Variants in NWD2 observed in about 807,000 individuals in gnomAD.
The protein encoded by NWD2 is NACHT and WD repeat domain-containing protein 2.
NWD2 carries 37 observed loss-of-function variants against 132.7 expected under a neutral mutation model. The ratio of observed to expected loss-of-function variants is 0.28; its 90% CI spans 0.21 to 0.37. The LOEUF is 0.37. Ranked by LOEUF, NWD2 falls within the 10% of genes least tolerant of loss-of-function variation. NWD2 has a pLI of 1.00. For synonymous variants in NWD2, 705 were observed against 803.0 expected, an observed-to-expected ratio of 0.88 and a Z score of 2.06; for missense variants, 1,592 against 2,122.4, an observed-to-expected ratio of 0.75 and a Z score of 4.91.
At chr4:37,271,001 C>A (rs1024806436) in intron 1 of NWD2, among the ~76,000 whole-genome samples, 10 of 151,818 alleles carry the variant, frequency 6.6e-5, no homozygotes, top group Admixed American at 6.6e-4. Context: ...AAAAGACTTT[C>A]TTTTCCCCCA....
At chr4:37,426,413 G>A (rs145135324) in intron 3 of NWD2, among the ~76,000 whole-genome samples, 2 of 152,108 alleles carry the variant, frequency 1.3e-5, no homozygotes, top group Non-Finnish European at 2.9e-5. Flanking sequence ...TATATAGTAG[G>A]CACTCAATAT....
intron 1 of NWD2, among the ~76,000 whole-genome samples, chr4:37,323,578 A>T (rs112778721): frequency 7.1e-4 from 108 of 152,310 alleles, no homozygotes; most frequent in African/African-American, 2.4e-3. Context: ...GGGAATGCTT[A>T]TACACTGTCG....
intron 1 of NWD2, among the ~76,000 whole-genome samples, chr4:37,265,262 A>G (rs1299017854): frequency 6.6e-6 from 1 of 152,170 alleles, no homozygotes; most frequent in Non-Finnish European, 1.5e-5. Context: ...AATGGATCTA[A>G]CTGCACAGTC....
intron 3 of NWD2, among the ~76,000 whole-genome samples, chr4:37,385,962 GAAAT>G (rs1286207618): frequency 9.2e-5 from 14 of 152,128 alleles, no homozygotes; most frequent in Admixed American, 6.5e-4. Flanking sequence ...GTACTATAAA[GAAAT>G]ACTTAATTTG....
intron 1 of NWD2, among the ~76,000 whole-genome samples, chr4:37,285,837 G>A (rs1255494643): frequency 2.0e-5 from 3 of 152,030 alleles, no homozygotes; most frequent in Non-Finnish European, 2.9e-5. Flanking sequence ...CATTAAATAG[G>A]GAGTATCACT....
intron 1 of NWD2, among the ~76,000 whole-genome samples, chr4:37,246,811 CT>C (rs1717253454): frequency 6.6e-6 from 1 of 152,116 alleles, no homozygotes; most frequent in African/African-American, 2.4e-5. Flanking sequence ...TTTCTTTAAA[CT>C]TGTGGCTTCT....
In NWD2 at chr4:37,443,221, A is replaced by G. The variant is rs1185167367; in HGVS notation, c.1297-64A>G. On this transcript the variant is annotated intron_variant, in intron 6 of 6. Transcript: ENST00000309447. This position sits in a 1 kb window ranked among gnomAD's most constrained non-coding sequence, Gnocchi z 4.1. ...AGAAATCTGAGCTCTGGAGAGAGGC[A>G]ATGTTATCACATATGACCATGTGAA... 2.2e-6 allele frequency: 3 copies of G among 1,341,968 alleles called. No individual in the cohort carries two copies. Among genetic ancestry groups the G allele is most frequent in the Non-Finnish European group, 3.0e-6 (3 of 984,574 alleles). The allele number at this position is 1,341,968 out of a possible 1,614,324, so 83.1% of individuals were successfully genotyped here.
chr4:37,358,670 CA>C (rs1391981386), intron 3 of NWD2, among the ~76,000 whole-genome samples: 2 of 152,108 alleles, frequency 1.3e-5, no homozygotes, highest in Non-Finnish European at 2.9e-5. Context: ...GTGATAATAA[CA>C]GTTATCTACC....
chr4:37,375,395 CTA>C (rs527725258), intron 3 of NWD2, among the ~76,000 whole-genome samples: 24 of 152,078 alleles, frequency 1.6e-4, no homozygotes, highest in African/African-American at 5.1e-4. Flanking sequence ...AAGTGCTTAT[CTA>C]TATGTTTTTA....
Position 37,445,534 on chromosome 4 carries a change from C to T in NWD2, c.3546C>T (p.Asp1182=). 2 of 1,552,058 alleles carry T rather than the reference C, an allele frequency of 1.3e-6. No individual in the cohort carries two copies. The highest frequency in any genetic ancestry group is 1.7e-6 in the Non-Finnish European group (2 of 1,147,084). The change falls in exon 7 of 7, where the codon GAC becomes GAT. Residue 1182 remains aspartate, a synonymous_variant. Transcript: ENST00000309447. This position sits in a 1 kb window ranked among gnomAD's most constrained non-coding sequence, Gnocchi z 4.7. The part of the protein sequence containing the change: ...EDISSPQLTD[D]FDCRREDSEV... ...TTTCCAGCCCCCAGCTGACTGATGA[C>T]TTTGATTGCCGAAGAGAAGACAGTG... is the stretch of plus-strand genomic sequence containing the variant.
chr4:37,378,346 C>T (rs1001664146), intron 3 of NWD2, among the ~76,000 whole-genome samples: 2 of 152,086 alleles, frequency 1.3e-5, no homozygotes, highest in Admixed American at 1.3e-4. Flanking sequence ...TAAGCTTCCT[C>T]GAAGAGAAAA....
rs1340112386 is a variant in NWD2 at position 37,430,624 on chromosome 4, C to G, written c.410C>G (p.Ala137Gly). The change falls in exon 4 of 7, where the codon GCC (alanine) becomes GGC (glycine). Residue 137 changes from alanine (A) to glycine (G), a missense_variant. By Grantham distance (60) the Ala-to-Gly change is moderately conservative. Transcript: ENST00000309447. Reference sequence around the variant, plus strand: ...ATCCGAATCCCTGGAGAAGTTGAAGCCTCAGAGTTTGAAATGATTTTGGAT... The same window carrying G: ...ATCCGAATCCCTGGAGAAGTTGAAGGCTCAGAGTTTGAAATGATTTTGGAT... Reference protein sequence around the residue: ...GNIRIPGEVEASEFEMILDAA... With the variant: ...GNIRIPGEVEGSEFEMILDAA... 5.2e-6 allele frequency: 8 copies of G among 1,551,398 alleles called. No individual in the cohort carries two copies. Among genetic ancestry groups the G allele is most frequent in the East Asian group, 2.4e-5 (1 of 40,930 alleles).
At chr4:37,374,210 ACCT>A (rs1210815036) in intron 3 of NWD2, among the ~76,000 whole-genome samples, 2 of 151,996 alleles carry the variant, frequency 1.3e-5, no homozygotes, top group African/African-American at 2.4e-5. Context: ...AGAGCCTGGC[ACCT>A]CCTCCTCCTC....
chr4:37,405,421 TAATAGAATAGAATAGAATAGAATAG>T (rs36213513), intron 3 of NWD2, among the ~76,000 whole-genome samples: 11,133 of 141,358 alleles, frequency 0.079, 501 homozygotes, highest in South Asian at 0.11. Context: ...TAGTTGAATG[TAATAGAATAGAATAGAATAGAATAG>T]AATAGAATAG....
chr4:37,387,477 G>A (rs149956102), intron 3 of NWD2, among the ~76,000 whole-genome samples: 1 of 151,624 alleles, frequency 6.6e-6, no homozygotes, highest in South Asian at 2.1e-4. Flanking sequence ...GTTCATTCCT[G>A]CAATCAACTC....
intron 3 of NWD2, among the ~76,000 whole-genome samples, chr4:37,409,969 C>G (rs1163937495): frequency 2.0e-5 from 3 of 152,182 alleles, no homozygotes; most frequent in African/African-American, 7.2e-5. Context: ...GAGATTTTGT[C>G]ACCACCAGGC....
chr4:37,438,730 T>C, intron 5 of NWD2, 71 bp from the exon 6 acceptor site: 1 of 987,274 alleles, frequency 1.0e-6, no homozygotes, highest in East Asian at 2.6e-5. Flanking sequence ...GACTAAGTGT[T>C]GACTATTGAG....
At chr4:37,429,673 G>A (rs955937519) in intron 3 of NWD2, among the ~76,000 whole-genome samples, 13 of 152,092 alleles carry the variant, frequency 8.5e-5, no homozygotes, top group Admixed American at 3.3e-4. Context: ...ACATATACTT[G>A]TAAACATCTT....
intron 3 of NWD2, among the ~76,000 whole-genome samples, chr4:37,368,850 A>G (rs1223357059): frequency 6.6e-6 from 1 of 152,172 alleles, no homozygotes; most frequent in East Asian, 1.9e-4. Flanking sequence ...AGTGAGGAGG[A>G]CATCCTGTTG....
Sources: gnomAD v4.1 joint callset for allele counts (sites outside exome capture counted in the v4.1 genomes callset) on GRCh38, gnomAD v4.1.1 for gene constraint, Gnocchi (gnomAD v3.1) non-coding constraint, MANE v1.5 for transcripts, NCBI Gene and HGNC (gene_info 2026-07-23, HGNC 2026-07-21) for gene names.